Variants in AFF2 observed in about 807,000 individuals in gnomAD.
AFF2 encodes the protein ALF transcription elongation factor 2.
A neutral mutation model predicts 76.9 loss-of-function variants in AFF2; 14 were observed. The ratio of observed to expected loss-of-function variants is 0.18; its 90% CI spans 0.12 to 0.28. The LOEUF (loss-of-function observed/expected upper bound fraction) is 0.28, where lower values mean the gene tolerates loss of function less well. AFF2 is among the 10% of genes least tolerant of loss of function. The pLI is 1.00. For synonymous variants in AFF2, 398 were observed against 366.7 expected (o/e 1.09, Z -0.98); for missense variants, 868 against 1,001.1 (o/e 0.87, Z 1.79).
chrX:148,585,103 A>C lies in AFF2; in HGVS notation c.48-66896A>C, dbSNP rs782147044. Among the ~76,000 whole-genome samples the C allele has an allele frequency of 3.8e-3, 430 of 112,084 alleles. 1 individual carries two copies. Among genetic ancestry groups the C allele is most frequent in the Non-Finnish European group, 6.1e-3 (327 of 53,214 alleles). ...TCCTCTGAGAGTAGTTCAAAGGTGA[A>C]GTACTCTGAGAACTGGATTGATCGG... On this transcript the variant is annotated intron_variant, in intron 1 of 20. Coordinates refer to ENST00000370460, the MANE Select transcript of AFF2 (RefSeq NM_002025.4).
At chrX:148,904,315 GA>G in intron 9 of AFF2, 57 bp downstream of exon 9, 1 of 698,248 alleles carries the variant, frequency 1.4e-6, no homozygotes. Flanking sequence ...CGATGCATGT[GA>G]AAAAATAAGG....
At chrX:148,730,948 A>G (rs782561112) in intron 3 of AFF2, among the ~76,000 whole-genome samples, 2 of 111,811 alleles carry the variant, frequency 1.8e-5, no homozygotes, top group East Asian at 5.6e-4. Context: ...GCAGCCAGGA[A>G]GATTGTGTAC....
chrX:148,814,760 A>G (rs1415066754), intron 4 of AFF2, among the ~76,000 whole-genome samples: 3 of 111,733 alleles, frequency 2.7e-5, no homozygotes, highest in African/African-American at 9.7e-5. Context: ...AAAAATTACC[A>G]AATATTTACA....
chrX:148,923,690 G>A (rs1557283469), intron 9 of AFF2, among the ~76,000 whole-genome samples: 1 of 111,296 alleles, frequency 9.0e-6, no homozygotes, highest in Non-Finnish European at 1.9e-5. Flanking sequence ...AAAATACTTC[G>A]ACTTCTAAGA....
At chrX:148,657,071 A>AT (rs1471532485) in intron 2 of AFF2, among the ~76,000 whole-genome samples, 1 of 111,635 alleles carries the variant, frequency 9.0e-6, no homozygotes, top group East Asian at 2.8e-4. Flanking sequence ...ATGGCTCTTC[A>AT]TAGCCCAATG....
chrX:148,603,455 GTT>G (rs35646834), intron 1 of AFF2, among the ~76,000 whole-genome samples: 5,506 of 102,982 alleles, frequency 0.053, 265 homozygotes, highest in African/African-American at 0.15. Flanking sequence ...TCATTAGGTG[GTT>G]TTTTTTTTTT....
At chrX:148,940,628 T>G (rs182924073) in intron 9 of AFF2, among the ~76,000 whole-genome samples, 1 of 111,757 alleles carries the variant, frequency 8.9e-6, no homozygotes, top group East Asian at 2.8e-4. Context: ...TTTCTTTCTA[T>G]GTCAGCATTT....
At chrX:148,991,067 G>T in intron 20 of AFF2, 144 bp from the exon 21 acceptor site, 1 of 669,098 alleles carries the variant, frequency 1.5e-6, no homozygotes. Flanking sequence ...CTCTATAAAT[G>T]TTTGTTGAAT....
intron 15 of AFF2, among the ~76,000 whole-genome samples, chrX:148,971,747 C>CTTTTTTTTTTTTTTTT (rs781928514): frequency 5.4e-4 from 24 of 44,727 alleles, no homozygotes; most frequent in African/African-American, 8.5e-4. Context: ...TTTTCTATTT[C>CTTTTTTTTTTTTTTTT]TTTTTTTTTT....
chrX:148,580,095 A>G (rs1400997302), intron 1 of AFF2, among the ~76,000 whole-genome samples: 1 of 112,059 alleles, frequency 8.9e-6, no homozygotes, highest in Non-Finnish European at 1.9e-5. Flanking sequence ...TGAGCTGAAC[A>G]TGCTATGCTG....
At chrX:148,757,368 T>C (rs2069386354) in intron 3 of AFF2, among the ~76,000 whole-genome samples, 1 of 111,673 alleles carries the variant, frequency 9.0e-6, no homozygotes, top group African/African-American at 3.3e-5. Flanking sequence ...AGAAAAAAGT[T>C]ATCAGATACA....
intron 9 of AFF2, among the ~76,000 whole-genome samples, chrX:148,918,180 A>G (rs1054849819): frequency 2.7e-5 from 3 of 112,455 alleles, no homozygotes; most frequent in Non-Finnish European, 5.6e-5. Context: ...CAGCACATTC[A>G]TTAGCAACCC....
intron 1 of AFF2, among the ~76,000 whole-genome samples, chrX:148,567,559 T>C: frequency 9.0e-6 from 1 of 111,516 alleles, no homozygotes; most frequent in Non-Finnish European, 1.9e-5. Context: ...AAAACTCAGC[T>C]TACGGTGGAG....
intron 19 of AFF2, among the ~76,000 whole-genome samples, chrX:148,984,545 A>T (rs1437792191): frequency 1.8e-5 from 2 of 111,918 alleles, no homozygotes; most frequent in African/African-American, 6.5e-5. Flanking sequence ...TTTTCATTTA[A>T]TGAGCACAAG....
intron 7 of AFF2, among the ~76,000 whole-genome samples, chrX:148,859,841 C>CT (rs2070827388): frequency 9.1e-6 from 1 of 110,034 alleles, no homozygotes; most frequent in East Asian, 2.9e-4. Context: ...TTATTATACT[C>CT]TAAGTTCTAG....
At chrX:148,847,861 TC>T (rs2070686038) in intron 7 of AFF2, among the ~76,000 whole-genome samples, 1 of 112,088 alleles carries the variant, frequency 8.9e-6, no homozygotes, top group Admixed American at 9.5e-5. Flanking sequence ...TCCAAATTAT[TC>T]CCATCTTACA....
intron 3 of AFF2, among the ~76,000 whole-genome samples, chrX:148,673,912 T>C (rs1404414271): frequency 8.9e-6 from 1 of 112,558 alleles, no homozygotes; most frequent in African/African-American, 3.2e-5. Context: ...TTAAAAATCT[T>C]TTAGGGAAGT....
chrX:148,891,573 G>A (rs2071224025), intron 8 of AFF2, among the ~76,000 whole-genome samples: 1 of 111,657 alleles, frequency 9.0e-6, no homozygotes, highest in Non-Finnish European at 1.9e-5. Context: ...ATGTGTGGCG[G>A]GCAAACTCCA....
chrX:148,952,356 T>G (rs1264861594), intron 9 of AFF2, among the ~76,000 whole-genome samples: 6 of 111,419 alleles, frequency 5.4e-5, no homozygotes, highest in Non-Finnish European at 9.4e-5. Context: ...AGCTGCTGCT[T>G]CAGATTTGTG....
Sources: allele counts gnomAD v4.1 joint callset (sites outside exome capture counted in the v4.1 genomes callset), GRCh38; gene constraint gnomAD v4.1.1; transcripts MANE v1.5; gene names NCBI Gene and HGNC (gene_info 2026-07-23, HGNC 2026-07-21).